Variants in MYOM1 observed in about 807,000 individuals in gnomAD.
MYOM1 encodes myomesin-1.
In MYOM1, 164 loss-of-function variants were observed where a neutral mutation model predicts 205.3. That is an observed-to-expected ratio of 0.80 (90% CI 0.70 to 0.91). MYOM1 has a LOEUF of 0.91. MYOM1 is among the 40% of genes least tolerant of loss of function. The probability of loss-of-function intolerance (pLI) is 0.00; values close to 1 mark genes in which losing one functional copy is unlikely to be tolerated. For synonymous variants in MYOM1, 772 were observed against 789.4 expected (o/e 0.98, Z 0.37); for missense variants, 2,011 against 2,127.3 (o/e 0.95, Z 1.08).
In MYOM1 at chr18:3,067,673, C is replaced by T. The variant is rs115264883; in HGVS notation, c.4765-118G>A. On this transcript the variant is annotated intron_variant, in intron 37 of 37. Transcript: ENST00000356443. ...AAAGGGAGGATAAGTAAAAGCCTCC[C>T]GGACCAGGGTTTAAAGTAGTTCTGT... 2,853 of 1,080,442 alleles carry T rather than the reference C, an allele frequency of 2.6e-3. 34 individuals carry two copies. The African/African-American group carries it at 0.034, about 13-fold the overall frequency. 66.9% of individuals were successfully genotyped at this position (1,080,442 alleles called of 1,614,324 possible). A position where few individuals can be genotyped will look rare whatever the true frequency, so the allele number is the denominator to read the frequency against.
rs1598726300 is a variant in MYOM1, at chr18:3,151,842, C to T, written c.1695G>A (p.Lys565=). ...ATCCAGTGACAGGAAAACGAGCAAA[C>T]TTCACAGGTGTGTCATTGCACTGCG... ...SWSQCNDTPV[K]FARFPVTGLI... Residue 565 remains lysine (K), a synonymous_variant, in exon 12 of 38, where the codon AAG becomes AAA. Coordinates refer to ENST00000356443, the MANE Select transcript of MYOM1 (RefSeq NM_003803.4). 1 of 1,613,682 alleles carries T rather than the reference C, an allele frequency of 6.2e-7. No homozygotes were observed. The highest frequency in any genetic ancestry group is 2.2e-5 in the East Asian group (1 of 44,882).
intron 5 of MYOM1, among the ~76,000 whole-genome samples, chr18:3,185,915 G>A (rs970033392): frequency 1.3e-5 from 2 of 152,186 alleles, no homozygotes; most frequent in Non-Finnish European, 2.9e-5. Flanking sequence ...AACCTTAGAA[G>A]CCAGGAGCGC....
chr18:3,167,188 T>C (rs1598738259), intron 9 of MYOM1, among the ~76,000 whole-genome samples: 2 of 152,202 alleles, frequency 1.3e-5, no homozygotes, highest in East Asian at 3.8e-4. Context: ...CACATGGTAG[T>C]GAAAAGATGT....
the MYOM1 span, among the ~76,000 whole-genome samples, chr18:3,235,041 G>A: frequency 7.9e-5 from 12 of 151,912 alleles, no homozygotes; most frequent in Non-Finnish European, 1.3e-4. Context: ...ACAGGTGTAA[G>A]CCACTGCGCC....
Position 3,127,305 on chromosome 18 carries a change from ATTTTTTTTTT to A in MYOM1, c.2795-418_2795-409del, listed in dbSNP as rs1555620545. On this transcript the variant is annotated intron_variant, in intron 18 of 37. Transcript: ENST00000356443. ...TCCATATATATATATATATATATAT[ATTTTTTTTTT>A]TTTTTTTTTTGAGCTGGGGTTTTGC... Among the ~76,000 whole-genome samples the A allele has an allele frequency of 4.2e-4, 20 of 47,570 alleles. 1 individual carries two copies. The highest frequency in any genetic ancestry group is 1.8e-3 in the African/African-American group (19 of 10,832). 31.2% of individuals were successfully genotyped at this position (47,570 alleles called of 152,430 possible). A position where few individuals can be genotyped will look rare whatever the true frequency, so the allele number is the denominator to read the frequency against.
chr18:3,186,799 A>C (rs1289208150), intron 5 of MYOM1, among the ~76,000 whole-genome samples: 1 of 102,696 alleles, frequency 9.7e-6, no homozygotes, highest in African/African-American at 4.8e-5. Context: ...AGAAAGAAAG[A>C]AAGAGAAAGA....
intron 36 of MYOM1, among the ~76,000 whole-genome samples, 165 bp from the exon 37 acceptor site, chr18:3,072,054 A>ATTT (rs202209077): frequency 1.4e-5 from 2 of 145,480 alleles, no homozygotes; most frequent in African/African-American, 5.0e-5. Flanking sequence ...GGGATTCAGG[A>ATTT]TTTTTTTTTT....
Position 3,193,937 on chromosome 18 carries a change from C to A in MYOM1, c.312G>T (p.Leu104=). The A allele has an allele frequency of 1.2e-6, 2 of 1,613,678 alleles. No homozygotes were observed. Among genetic ancestry groups the A allele is most frequent in the Non-Finnish European group, 1.7e-6 (2 of 1,179,728 alleles). ...TCAACTTGGATGAATAATCATCTAA[C>A]AGCAGACTGGAATCTGTAAGTCTGA... ...SSHGLTDSSL[L]LDDYSSKLSP... Residue 104 remains leucine (L), a synonymous_variant, in exon 3 of 38, where the codon CTG becomes CTT. Transcript: ENST00000356443.
chr18:3,164,351 A>G lies in MYOM1; in HGVS notation c.1428T>C (p.Asp476=), dbSNP rs926191703. The G allele has an allele frequency of 1.9e-6, 3 of 1,612,190 alleles. No individual in the cohort carries two copies. Among genetic ancestry groups the G allele is most frequent in the Non-Finnish European group, 2.5e-6 (3 of 1,179,134 alleles). ...GTACACGGATTGTATAGAGGCCTTC[A>G]TCTTCTTTGTTGAGATGGGAAAATG... The part of the protein sequence containing the change: ...TLTFSHLNKE[D]EGLYTIRVRM... Residue 476 remains aspartate (D), a synonymous_variant, in exon 10 of 38, where the codon GAT becomes GAC. Coordinates refer to ENST00000356443, the MANE Select transcript of MYOM1 (RefSeq NM_003803.4).
At position 3,151,718 on chromosome 18, in the gene MYOM1, G is replaced by T. The variant is rs1345429295; in HGVS notation, c.1819C>A (p.Pro607Thr). The change falls in exon 12 of 38, where the codon CCG (proline) becomes ACG (threonine). Residue 607 changes from proline (P) to threonine (T), a missense_variant. By Grantham distance (38) the Pro-to-Thr change is conservative. Coordinates refer to ENST00000356443, the MANE Select transcript of MYOM1 (RefSeq NM_003803.4). ...RVSEPVAALD[P>T]AEKARLKSRP... ...CTTTTAAGTCTAGCTTTCTCAGCCG[G>T]ATCCAGAGCAGCCACGGGCTCGGAA... 1.2e-6 allele frequency: 2 copies of T among 1,613,566 alleles called. No homozygotes were observed. The highest frequency in any genetic ancestry group is 1.3e-5 in the African/African-American group (1 of 74,908).
At chr18:3,071,967 T>A in intron 36 of MYOM1, 78 bp from the exon 37 acceptor site, 3 of 1,266,832 alleles carry the variant, frequency 2.4e-6, no homozygotes, top group Non-Finnish European at 3.4e-6. Context: ...CCCAGGAAGC[T>A]ACATTTCCAA....
chr18:3,176,379 G>A lies in MYOM1; in HGVS notation c.930-245C>T, dbSNP rs10153321. ...ACATGAAAAATGTTGACGATTCACA[G>A]CAATATGGCTGAATATCATGTAACA... On this transcript the variant is annotated intron_variant, in intron 5 of 37. Coordinates refer to ENST00000356443, the MANE Select transcript of MYOM1 (RefSeq NM_003803.4). 0.086 allele frequency among the ~76,000 whole-genome samples: 13,161 copies of A among 152,160 alleles called. 726 individuals are homozygous for A. Among genetic ancestry groups the A allele is most frequent in the African/African-American group, 0.15 (6,237 of 41,490 alleles).
intron 1 of MYOM1, among the ~76,000 whole-genome samples, chr18:3,218,892 ATACT>A (rs1169234616): frequency 1.1e-4 from 17 of 152,202 alleles, no homozygotes; most frequent in Admixed American, 1.1e-3. Flanking sequence ...ATTTTTAATA[ATACT>A]TACTATTCCT....
intron 33 of MYOM1, among the ~76,000 whole-genome samples, chr18:3,079,994 T>C (rs1278915679): frequency 6.6e-6 from 1 of 152,174 alleles, no homozygotes; most frequent in Admixed American, 6.5e-5. Flanking sequence ...AAGAGAATAT[T>C]AGGAAATACA....
At chr18:3,096,084 A>C (rs2079299182) in intron 25 of MYOM1, among the ~76,000 whole-genome samples, 1 of 152,200 alleles carries the variant, frequency 6.6e-6, no homozygotes, top group South Asian at 2.1e-4. Context: ...TCCTGAGAAC[A>C]TCGTCTGGGG....
In MYOM1 at chr18:3,152,791, G is replaced by T. The variant is rs1478019025; in HGVS notation, c.1644-898C>A. 6.6e-6 allele frequency among the ~76,000 whole-genome samples: 1 copy of T among 152,174 alleles called. No individual in the cohort carries two copies. The highest frequency in any genetic ancestry group is 1.9e-4 in the East Asian group (1 of 5,200). On this transcript the variant is annotated intron_variant, in intron 11 of 37. Transcript: ENST00000356443. This position sits in a 1 kb window ranked among gnomAD's most constrained non-coding sequence, Gnocchi z 4.3. The stretch of plus-strand genomic sequence containing the variant: ...CCCAAATGATTCTCAGGGGCGTGGG[G>T]GTTGCCAGTGGCAGGACAGAGGTGG...
intron 8 of MYOM1, among the ~76,000 whole-genome samples, chr18:3,172,613 G>A (rs1002019514): frequency 6.6e-6 from 1 of 151,958 alleles, no homozygotes; most frequent in Non-Finnish European, 1.5e-5. Context: ...CAGTTCAAGC[G>A]ATTCTCCTGC....
chr18:3,129,129 G>T, intron 18 of MYOM1, 103 bp downstream of exon 18: 1 of 1,363,142 alleles, frequency 7.3e-7, no homozygotes, highest in Non-Finnish European at 9.8e-7. Flanking sequence ...AATAAGAATG[G>T]ACATTGATGA....
At chr18:3,082,516 C>A (rs1307302102) in intron 33 of MYOM1, among the ~76,000 whole-genome samples, 1 of 152,104 alleles carries the variant, frequency 6.6e-6, no homozygotes, top group African/African-American at 2.4e-5. Flanking sequence ...ACTGAGGGTA[C>A]AGTGTAAGGA....
Sources: gnomAD v4.1 joint callset for allele counts (sites outside exome capture counted in the v4.1 genomes callset) on GRCh38, gnomAD v4.1.1 for gene constraint, Gnocchi (gnomAD v3.1) non-coding constraint, MANE v1.5 for transcripts, NCBI Gene and HGNC (gene_info 2026-07-23, HGNC 2026-07-21) for gene names.